The following TENM3 variants were observed in gnomAD, a reference collection of about 807,000 sequenced individuals.
The protein encoded by TENM3 is teneurin transmembrane protein 3, also known as teneurin-3.
A neutral mutation model predicts 255.1 loss-of-function variants in TENM3; 63 were observed. The observed-to-expected ratio is 0.25, with a 90% CI of 0.20 to 0.30. The LOEUF (loss-of-function observed/expected upper bound fraction) is 0.30. TENM3 is among the 10% of genes least tolerant of loss of function. The pLI is 1.00. For synonymous variants in TENM3, 1,306 were observed against 1,322.3 expected (o/e 0.99, Z 0.27); for missense variants, 2,929 against 3,461.1 (o/e 0.85, Z 3.86).
At chr4:182,102,962 A>C in the TENM3 span, among the ~76,000 whole-genome samples, 4 of 152,256 alleles carry the variant, frequency 2.6e-5, no homozygotes, top group Non-Finnish European at 5.9e-5. Flanking sequence ...AACCATAATA[A>C]TAACAGTGGC....
At chr4:181,942,103 C>T in the TENM3 span, among the ~76,000 whole-genome samples, 112 of 152,178 alleles carry the variant, frequency 7.4e-4, no homozygotes, top group African/African-American at 2.6e-3. Context: ...GGACTCAGGC[C>T]GCCTCTTCTG....
At chr4:182,251,594 C>T (rs1758019068) in intron 1 of TENM3, among the ~76,000 whole-genome samples, 1 of 152,158 alleles carries the variant, frequency 6.6e-6, no homozygotes, top group Non-Finnish European at 1.5e-5. Flanking sequence ...ATAGAGTCAC[C>T]CTTTTACAAC....
chr4:182,288,081 G>GCA (rs1760860926), intron 1 of TENM3, among the ~76,000 whole-genome samples: 1 of 152,002 alleles, frequency 6.6e-6, no homozygotes, highest in Non-Finnish European at 1.5e-5. Flanking sequence ...GGGATTACAG[G>GCA]CGTGCACCAC....
In TENM3 at chr4:182,743,278, G is replaced by A. The variant is rs1227029931; in HGVS notation, c.3488G>A (p.Cys1163Tyr). 1 of 1,614,054 alleles carries A rather than the reference G, an allele frequency of 6.2e-7. No homozygotes were observed. The highest frequency in any genetic ancestry group is 1.7e-5 in the Admixed American group (1 of 60,030). The change falls in exon 19 of 28, where the codon TGC becomes TAC. Residue 1163 changes from cysteine to tyrosine, a missense_variant. Cys to Tyr is a radical substitution (Grantham distance 194). Around this residue, in one of 6 missense-constraint regions of TENM3, gnomAD observed 1,608 missense variants for 1,884.4 expected, o/e 0.85. Coordinates refer to ENST00000511685, the MANE Select transcript of TENM3 (RefSeq NM_001080477.4). ...GRRRSISCPS[C>Y]NGQADGNKLL... ...AGGCGCAGCATTTCCTGCCCCAGTT[G>A]CAATGGTCAAGCTGATGGTAACAAG...
At chr4:182,629,158 A>T (rs2152470423) in intron 5 of TENM3, among the ~76,000 whole-genome samples, 1 of 152,286 alleles carries the variant, frequency 6.6e-6, no homozygotes, top group Middle Eastern at 3.4e-3. Context: ...CCCTTGTGAA[A>T]CATGGATAGC....
the TENM3 span, among the ~76,000 whole-genome samples, chr4:182,102,096 A>C: frequency 2.0e-5 from 3 of 152,204 alleles, no homozygotes; most frequent in Non-Finnish European, 4.4e-5. Context: ...TGAACATGTG[A>C]ATATGAACTC....
intron 4 of TENM3, among the ~76,000 whole-genome samples, chr4:182,603,868 T>A (rs2152418377): frequency 6.6e-6 from 1 of 151,676 alleles, no homozygotes; most frequent in Admixed American, 6.6e-5. Flanking sequence ...TAAAATTCAG[T>A]TACGAATAAA....
the TENM3 span, among the ~76,000 whole-genome samples, chr4:181,754,215 A>T: frequency 6.6e-6 from 1 of 152,066 alleles, no homozygotes; most frequent in East Asian, 1.9e-4. Context: ...TAAAAGAAAG[A>T]ACAATAACAA....
chr4:181,454,090 G>C, the TENM3 span, among the ~76,000 whole-genome samples: 127 of 152,242 alleles, frequency 8.3e-4, no homozygotes, highest in African/African-American at 2.9e-3. Flanking sequence ...TGCATATTAA[G>C]TATTAATAAG....
At chr4:182,654,747 G>A (rs551644117) in intron 6 of TENM3, among the ~76,000 whole-genome samples, 4 of 152,094 alleles carry the variant, frequency 2.6e-5, no homozygotes, top group South Asian at 2.1e-4. Context: ...TCATGTGGCT[G>A]GTTTCTTTGC....
In TENM3 at chr4:182,651,652, G is replaced by A. The variant is rs370573049; in HGVS notation, c.989-2119G>A. Among the ~76,000 whole-genome samples, 15 of 151,814 alleles carry A rather than the reference G, an allele frequency of 9.9e-5. 1 individual carries two copies. The South Asian group carries it at 2.5e-3, about 25-fold the overall frequency. ...ACAGAGGTTGCAGTGAGCCGAGATC[G>A]TGCCACTGCACTCCATCCTGGGTGA... On this transcript the variant is annotated intron_variant, in intron 5 of 27. Transcript: ENST00000511685.
the TENM3 span, among the ~76,000 whole-genome samples, chr4:181,499,638 ACTTT>A: frequency 6.6e-6 from 1 of 152,164 alleles, no homozygotes; most frequent in Non-Finnish European, 1.5e-5. Context: ...GAATTTACAC[ACTTT>A]CTTCCAATAT....
intron 3 of TENM3, among the ~76,000 whole-genome samples, chr4:182,579,644 G>A (rs2152353095): frequency 6.6e-6 from 1 of 152,266 alleles, no homozygotes; most frequent in African/African-American, 2.4e-5. Flanking sequence ...TAGTAGAAGA[G>A]TAATGACATT....
chr4:182,669,001 T>C lies in TENM3; in HGVS notation c.1112-4004T>C, dbSNP rs114912579. Among the ~76,000 whole-genome samples, 556 of 152,280 alleles carry C rather than the reference T, an allele frequency of 3.7e-3. 2 individuals are homozygous for C. Among genetic ancestry groups the C allele is most frequent in the African/African-American group, 0.012 (512 of 41,562 alleles). On this transcript the variant is annotated intron_variant, in intron 6 of 27. Transcript: ENST00000511685. ...CCAAGAGAGTAGATTAAATTACATATGCTTCGGATAGTAGATGAAACTTGT... is the reference window on the plus strand; with the variant it reads ...CCAAGAGAGTAGATTAAATTACATACGCTTCGGATAGTAGATGAAACTTGT...
At chr4:182,476,255 C>G (rs1409232953) in intron 3 of TENM3, among the ~76,000 whole-genome samples, 1 of 152,112 alleles carries the variant, frequency 6.6e-6, no homozygotes, top group Non-Finnish European at 1.5e-5. Flanking sequence ...TCCTCTATAT[C>G]CAGAGGCAGA....
At chr4:182,658,042 G>A (rs754942149) in intron 6 of TENM3, among the ~76,000 whole-genome samples, 5 of 152,238 alleles carry the variant, frequency 3.3e-5, no homozygotes, top group Non-Finnish European at 7.4e-5. Flanking sequence ...GGCTTTCACA[G>A]TACCCCTAGC....
At chr4:182,017,320 G>A in the TENM3 span, among the ~76,000 whole-genome samples, 23 of 152,356 alleles carry the variant, frequency 1.5e-4, no homozygotes, top group Non-Finnish European at 2.4e-4. Context: ...CAGGTTGGTT[G>A]AGAGGCTTGT....
chr4:182,488,926 A>G (rs1735012084), intron 3 of TENM3, among the ~76,000 whole-genome samples: 1 of 152,122 alleles, frequency 6.6e-6, no homozygotes, highest in Non-Finnish European at 1.5e-5. Flanking sequence ...TGGGCCTAAC[A>G]GTCATTTGCA....
intron 4 of TENM3, among the ~76,000 whole-genome samples, chr4:182,606,884 T>C (rs765840943): frequency 6.6e-6 from 1 of 152,194 alleles, no homozygotes; most frequent in Non-Finnish European, 1.5e-5. Flanking sequence ...TCAGTATTGA[T>C]ATATATTCTA....
Sources: allele counts gnomAD v4.1 joint callset (sites outside exome capture counted in the v4.1 genomes callset), GRCh38; gene constraint gnomAD v4.1.1; regional missense constraint gnomAD v4.1.1; transcripts MANE v1.5; gene names NCBI Gene and HGNC (gene_info 2026-07-23, HGNC 2026-07-21).